CADM2: variants seen among roughly 807,000 people sequenced by gnomAD.
CADM2 encodes cell adhesion molecule 2.
CADM2 carries 12 observed loss-of-function variants against 49.8 expected under a neutral mutation model. The ratio of observed to expected loss-of-function variants is 0.24; its 90% CI spans 0.15 to 0.39. CADM2 has a LOEUF of 0.39. Among genes scored for constraint, CADM2 ranks in the 10% least tolerant of loss-of-function variants. CADM2 has a pLI of 1.00. For synonymous variants in CADM2, 214 were observed against 175.4 expected, an observed-to-expected ratio of 1.22 and a Z score of -1.74; for missense variants, 378 against 492.3, an observed-to-expected ratio of 0.77 and a Z score of 2.20.
chr3:86,007,880 T>C (rs970385365), intron 8 of CADM2, among the ~76,000 whole-genome samples: 3 of 152,222 alleles, frequency 2.0e-5, no homozygotes, highest in Non-Finnish European at 2.9e-5. Context: ...ATTTTTATCT[T>C]AAATTTCAGA....
At chr3:85,537,502 G>C (rs1396221980) in intron 1 of CADM2, among the ~76,000 whole-genome samples, 2 of 150,892 alleles carry the variant, frequency 1.3e-5, no homozygotes, top group East Asian at 3.9e-4. Flanking sequence ...GTTTGTGTGT[G>C]TGTGTGTGTG....
chr3:85,383,836 C>T (rs192397075), intron 1 of CADM2, among the ~76,000 whole-genome samples: 32 of 151,692 alleles, frequency 2.1e-4, no homozygotes, highest in African/African-American at 7.7e-4. Context: ...TGTTGATTTC[C>T]ACCACTATAT....
intron 3 of CADM2, among the ~76,000 whole-genome samples, chr3:85,827,031 C>T (rs2073947927): frequency 6.6e-6 from 1 of 151,542 alleles, no homozygotes; most frequent in Non-Finnish European, 1.5e-5. Context: ...ACTAAGTTAC[C>T]CAAATTGACC....
chr3:85,861,418 A>G (rs1401041235), intron 3 of CADM2, among the ~76,000 whole-genome samples: 3 of 152,168 alleles, frequency 2.0e-5, no homozygotes, highest in Admixed American at 6.6e-5. Context: ...GGCTTGAGAA[A>G]GGATGAAGTT....
chr3:85,237,428 G>A (rs2042432326), intron 1 of CADM2, among the ~76,000 whole-genome samples: 4 of 151,600 alleles, frequency 2.6e-5, no homozygotes. Flanking sequence ...ATATGGCGAT[G>A]TTTGTCTCTG....
intron 1 of CADM2, among the ~76,000 whole-genome samples, chr3:85,699,682 G>C (rs1033893159): frequency 2.0e-5 from 3 of 152,192 alleles, no homozygotes. Flanking sequence ...TAGAGTCCTG[G>C]GCCTGGCCCA....
At chr3:85,326,450 A>C (rs1170953347) in intron 1 of CADM2, among the ~76,000 whole-genome samples, 8 of 152,222 alleles carry the variant, frequency 5.3e-5, no homozygotes. Flanking sequence ...CTCTTAGGAA[A>C]TATGATAAAG....
intron 1 of CADM2, among the ~76,000 whole-genome samples, chr3:85,020,320 G>A (rs2034441643): frequency 6.6e-6 from 1 of 152,132 alleles, no homozygotes; most frequent in Non-Finnish European, 1.5e-5. Context: ...TTTAGGATTA[G>A]ATAAGAAATG....
chr3:85,228,741 G>A (rs1414069787), intron 1 of CADM2, among the ~76,000 whole-genome samples: 1 of 152,042 alleles, frequency 6.6e-6, no homozygotes, highest in Admixed American at 6.5e-5. Context: ...GAGCTCTCCT[G>A]TATGAGGTGT....
chr3:85,434,925 A>G (rs892534735), intron 1 of CADM2, among the ~76,000 whole-genome samples: 4 of 152,156 alleles, frequency 2.6e-5, no homozygotes, highest in Non-Finnish European at 4.4e-5. Flanking sequence ...TATAGTGGAT[A>G]TAAGAGTTAC....
chr3:85,025,541 G>A (rs1056500271), intron 1 of CADM2, among the ~76,000 whole-genome samples: 1 of 152,120 alleles, frequency 6.6e-6, no homozygotes, highest in African/African-American at 2.4e-5. Flanking sequence ...GGGCTTGCTA[G>A]CGTTTGCCAT....
chr3:85,081,329 CTAAA>C (rs2037156701), intron 1 of CADM2, among the ~76,000 whole-genome samples: 1 of 152,132 alleles, frequency 6.6e-6, no homozygotes, highest in Admixed American at 6.6e-5. Context: ...CTATCAAAAA[CTAAA>C]ATGAGTTACC....
intron 1 of CADM2, among the ~76,000 whole-genome samples, chr3:85,508,184 G>A (rs1015117218): frequency 6.6e-6 from 1 of 152,056 alleles, no homozygotes; most frequent in African/African-American, 2.4e-5. Context: ...AGCACGTATT[G>A]TTTTCTGTAT....
intron 1 of CADM2, among the ~76,000 whole-genome samples, chr3:85,589,688 A>G (rs2063049630): frequency 6.6e-6 from 1 of 152,046 alleles, no homozygotes; most frequent in African/African-American, 2.4e-5. Flanking sequence ...GTTAAGAAGA[A>G]ATTTGTTTAA....
chr3:85,423,210 A>G (rs1234819603), intron 1 of CADM2, among the ~76,000 whole-genome samples: 1 of 150,860 alleles, frequency 6.6e-6, no homozygotes, highest in Non-Finnish European at 1.5e-5. Context: ...CTGCCACCCT[A>G]CTCTTCTCCT....
intron 1 of CADM2, among the ~76,000 whole-genome samples, chr3:85,434,770 T>G (rs1174973420): frequency 6.6e-6 from 1 of 152,070 alleles, no homozygotes; most frequent in Non-Finnish European, 1.5e-5. Flanking sequence ...AAAACAAAAA[T>G]AAAACTGCTG....
chr3:85,280,651 T>TA (rs1302314965), intron 1 of CADM2, among the ~76,000 whole-genome samples: 2 of 151,780 alleles, frequency 1.3e-5, no homozygotes, highest in Non-Finnish European at 2.9e-5. Flanking sequence ...GTTTTTTATT[T>TA]AAAAAAACTT....
At chr3:85,112,318 A>T (rs2038487454) in intron 1 of CADM2, among the ~76,000 whole-genome samples, 1 of 151,736 alleles carries the variant, frequency 6.6e-6, no homozygotes, top group Non-Finnish European at 1.5e-5. Flanking sequence ...AAAATCACAG[A>T]ATACTGCCTC....
At chr3:85,458,211 T>C (rs2038081572) in intron 1 of CADM2, among the ~76,000 whole-genome samples, 1 of 152,212 alleles carries the variant, frequency 6.6e-6, no homozygotes, top group African/African-American at 2.4e-5. Context: ...TCCTGCTGAA[T>C]AACGTTATTC....
Sources: allele counts gnomAD v4.1 joint callset (sites outside exome capture counted in the v4.1 genomes callset), GRCh38; gene constraint gnomAD v4.1.1; transcripts MANE v1.5; gene names NCBI Gene and HGNC (gene_info 2026-07-23, HGNC 2026-07-21).